Variants in GPM6A observed in about 807,000 individuals in gnomAD.
GPM6A encodes neuronal membrane glycoprotein M6-a.
A neutral mutation model predicts 32.1 loss-of-function variants in GPM6A; 7 were observed. The ratio of observed to expected loss-of-function variants is 0.22; its 90% confidence interval spans 0.12 to 0.41. GPM6A has a LOEUF of 0.41. Among genes scored for constraint, GPM6A ranks in the 10% least tolerant of loss-of-function variants. The probability of loss-of-function intolerance (pLI) is 1.00; values close to 1 mark genes in which losing one functional copy is unlikely to be tolerated. For synonymous variants in GPM6A, 130 were observed against 123.4 expected (o/e 1.05, Z -0.35); for missense variants, 235 against 347.2 (o/e 0.68, Z 2.57).
chr4:175,666,098 T>G lies in GPM6A; in HGVS notation c.387+7582A>C, dbSNP rs556434325. Among the ~76,000 whole-genome samples, 271 of 151,950 alleles carry G rather than the reference T, an allele frequency of 1.8e-3. 1 individual carries two copies. Among genetic ancestry groups the G allele is most frequent in the African/African-American group, 6.3e-3 (260 of 41,470 alleles). On this transcript the variant is annotated intron_variant, in intron 3 of 6. Coordinates refer to ENST00000393658, the MANE Select transcript of GPM6A (RefSeq NM_201591.3). ...CACGCCTGGCTAATTTTCGTATTTT[T>G]TAGTAGAGAAGGGGTTTCACCATGT...
chr4:175,816,868 A>AT (rs66480555), upstream of GPM6A, among the ~76,000 whole-genome samples: 80 of 150,066 alleles, frequency 5.3e-4, 1 homozygote, highest in Middle Eastern at 0.01. Flanking sequence ...TTTTATTTTT[A>AT]TTTTTTTTTT....
chr4:175,802,210 C>T (rs1346990367), intron 1 of GPM6A, among the ~76,000 whole-genome samples: 1 of 152,104 alleles, frequency 6.6e-6, no homozygotes, highest in African/African-American at 2.4e-5. Flanking sequence ...GGCTATACAA[C>T]TGGCCTATAA....
chr4:175,994,374 C>T (rs1741240699), intron 1 of GPM6A, among the ~76,000 whole-genome samples: 1 of 152,086 alleles, frequency 6.6e-6, no homozygotes, highest in African/African-American at 2.4e-5. Context: ...GCAGGCATGC[C>T]TTAGAGGTAT....
chr4:175,910,628 AC>A (rs1239883183), intron 1 of GPM6A, among the ~76,000 whole-genome samples: 1 of 152,100 alleles, frequency 6.6e-6, no homozygotes, highest in Admixed American at 6.6e-5. Context: ...TGTCTTTAGC[AC>A]CCTTCTACAT....
intron 1 of GPM6A, among the ~76,000 whole-genome samples, chr4:175,810,410 G>T (rs1443629898): frequency 6.6e-6 from 1 of 152,028 alleles, no homozygotes; most frequent in African/African-American, 2.4e-5. Context: ...ATTTAAAACT[G>T]CTTTCCACCA....
In GPM6A at chr4:175,707,083, T is replaced by G. The variant is rs533603209; in HGVS notation, c.38-5316A>C. Among the ~76,000 whole-genome samples, 9 of 152,346 alleles carry G rather than the reference T, an allele frequency of 5.9e-5. No individual in the cohort carries two copies. In the South Asian group the frequency reaches 1.7e-3, roughly 28 times the overall value. ...CCTTTCCCCAAAAACTCATGAATTA[T>G]CCACTCCTTGTTTAGCATATAATCA... is the stretch of plus-strand genomic sequence containing the variant. On this transcript the variant is annotated intron_variant, in intron 1 of 6. Coordinates refer to ENST00000393658, the MANE Select transcript of GPM6A (RefSeq NM_201591.3).
intron 1 of GPM6A, among the ~76,000 whole-genome samples, chr4:175,888,960 T>C (rs572394706): frequency 6.6e-6 from 1 of 152,268 alleles, no homozygotes; most frequent in East Asian, 1.9e-4. Flanking sequence ...AATTGAAGAA[T>C]GTAATTAAAT....
chr4:175,929,976 T>C (rs190746748), intron 1 of GPM6A, among the ~76,000 whole-genome samples: 201 of 152,252 alleles, frequency 1.3e-3, no homozygotes, highest in Non-Finnish European at 2.4e-3. Context: ...GTTAGTTCTG[T>C]CTCATTCCTG....
chr4:175,960,548 G>C (rs1740132031), intron 1 of GPM6A, among the ~76,000 whole-genome samples: 1 of 152,120 alleles, frequency 6.6e-6, no homozygotes, highest in Admixed American at 6.5e-5. Flanking sequence ...TAGGTATTAA[G>C]CGCCAGATCC....
intron 1 of GPM6A, among the ~76,000 whole-genome samples, chr4:175,878,996 T>C (rs2111453318): frequency 6.6e-6 from 1 of 152,318 alleles, no homozygotes; most frequent in South Asian, 2.1e-4. Flanking sequence ...ATCATCTCTC[T>C]GAAGTTCAAA....
chr4:175,900,817 C>T (rs28865712), intron 1 of GPM6A, among the ~76,000 whole-genome samples: 4,935 of 152,234 alleles, frequency 0.032, 273 homozygotes, highest in African/African-American at 0.11. Flanking sequence ...GAGATAGCTG[C>T]ACTCCTATGT....
intron 1 of GPM6A, among the ~76,000 whole-genome samples, chr4:175,864,369 G>T (rs1736666717): frequency 1.3e-5 from 2 of 152,002 alleles, no homozygotes; most frequent in South Asian, 2.1e-4. Flanking sequence ...GGTTTCACCA[G>T]TTTGCCCAAG....
intron 6 of GPM6A, among the ~76,000 whole-genome samples, chr4:175,635,868 A>C (rs76659357): frequency 6.6e-6 from 1 of 152,124 alleles, no homozygotes; most frequent in Non-Finnish European, 1.5e-5. Flanking sequence ...AGTTATTTAC[A>C]TTCTCTGAGT....
intron 2 of GPM6A, among the ~76,000 whole-genome samples, chr4:175,688,495 T>C (rs1411161300): frequency 1.3e-5 from 2 of 152,194 alleles, no homozygotes; most frequent in African/African-American, 4.8e-5. Context: ...AATTCGGTGA[T>C]AGTATATGCT....
intron 1 of GPM6A, among the ~76,000 whole-genome samples, chr4:175,940,489 A>C (rs935402965): frequency 6.6e-6 from 1 of 151,644 alleles, no homozygotes; most frequent in African/African-American, 2.4e-5. Context: ...TAATACTCTA[A>C]AAGTTCTATT....
At chr4:175,666,641 T>C (rs1742769572) in intron 3 of GPM6A, among the ~76,000 whole-genome samples, 1 of 152,214 alleles carries the variant, frequency 6.6e-6, no homozygotes, top group African/African-American at 2.4e-5. Flanking sequence ...TAGTGGTCTA[T>C]TTTAATAATA....
At chr4:175,677,430 C>G (rs1743434644) in intron 2 of GPM6A, among the ~76,000 whole-genome samples, 1 of 151,980 alleles carries the variant, frequency 6.6e-6, no homozygotes, top group Admixed American at 6.6e-5. Flanking sequence ...AGACAAAAAC[C>G]TCTAAAGTAG....
At chr4:175,637,382 TAA>T (rs1157269178) in intron 6 of GPM6A, among the ~76,000 whole-genome samples, 15 of 93,732 alleles carry the variant, frequency 1.6e-4, no homozygotes, top group Non-Finnish European at 2.9e-4. Flanking sequence ...ATATATTATA[TAA>T]TATATAATAA....
At chr4:175,683,081 T>A (rs2111012523) in intron 2 of GPM6A, among the ~76,000 whole-genome samples, 1 of 152,318 alleles carries the variant, frequency 6.6e-6, no homozygotes, top group South Asian at 2.1e-4. Flanking sequence ...CCACAGGAGT[T>A]AAACCCTGCA....
Sources: allele counts gnomAD v4.1 joint callset (sites outside exome capture counted in the v4.1 genomes callset), GRCh38; gene constraint gnomAD v4.1.1; transcripts MANE v1.5; gene names NCBI Gene and HGNC (gene_info 2026-07-23, HGNC 2026-07-21).